The following PCDHGA5 variants were observed in gnomAD, a reference collection of about 807,000 sequenced individuals.
PCDHGA5 encodes the protein protocadherin gamma subfamily A, 5.
A neutral mutation model predicts 56.7 loss-of-function variants in PCDHGA5; 36 were observed. The ratio of observed to expected loss-of-function variants is 0.64; its 90% CI spans 0.49 to 0.84. The LOEUF (loss-of-function observed/expected upper bound fraction) is 0.84, where lower values mean the gene tolerates loss of function less well. Among genes scored for constraint, PCDHGA5 ranks in the 40% least tolerant of loss-of-function variants. The pLI is 0.00. For missense variants in PCDHGA5, 1,305 were observed against 1,201.5 expected (o/e 1.09, Z -1.27); for synonymous variants, 563 against 520.2 (o/e 1.08, Z -1.12).
chr5:141,487,006 G>A lies in PCDHGA5; in HGVS notation c.2422-7801G>A. ...ATGCTTGGGTTTCCTATCAGCTCCT[G>A]GAGGCCCCAGATCCCAGCCTGTTTG... On this transcript the variant is annotated intron_variant, in intron 1 of 3. Transcript: ENST00000518069. This position sits in a 1 kb window ranked among gnomAD's most constrained non-coding sequence, Gnocchi z 5.0. 1 of 1,614,206 alleles carries A rather than the reference G, an allele frequency of 6.2e-7. No homozygotes were observed. The highest frequency in any genetic ancestry group is 8.5e-7 in the Non-Finnish European group (1 of 1,180,042).
At chr5:141,408,111 C>A (rs1477598232) in intron 1 of PCDHGA5, 7 of 1,455,108 alleles carry the variant, frequency 4.8e-6, no homozygotes, top group African/African-American at 4.3e-5. Context: ...ACCCGGGACT[C>A]CTCCTGTCCT....
chr5:141,439,428 C>T (rs1191911600), intron 1 of PCDHGA5, among the ~76,000 whole-genome samples: 1 of 152,170 alleles, frequency 6.6e-6, no homozygotes, highest in Non-Finnish European at 1.5e-5. Flanking sequence ...TATAAATTCC[C>T]AGGAATATTT....
At chr5:141,399,739 C>T (rs774893843) in intron 1 of PCDHGA5, 2 of 1,613,218 alleles carry the variant, frequency 1.2e-6, no homozygotes, top group Non-Finnish European at 1.7e-6. Flanking sequence ...CTCGCCTGCG[C>T]TCAGCGCAAA....
rs1043628660 is a variant in PCDHGA5, at chr5:141,478,879, G to A, written c.2422-15928G>A. On this transcript the variant is annotated intron_variant, in intron 1 of 3. Coordinates refer to ENST00000518069, the MANE Select transcript of PCDHGA5 (RefSeq NM_018918.3). ...GATCTCAGCGATCAGAGTTTAGCTT[G>A]GTATCATTTACATTAGGAATAAGCT... is the stretch of plus-strand genomic sequence containing the variant. 9 of 1,243,630 alleles carry A rather than the reference G, an allele frequency of 7.2e-6. No homozygotes were observed. The African/African-American group carries it at 1.1e-4, about 15-fold the overall frequency. The allele number at this position is 1,243,630 out of a possible 1,614,324, so 77.0% of individuals were successfully genotyped here.
At position 141,491,299 on chromosome 5, in the gene PCDHGA5, C is replaced by T. The variant is rs777271881; in HGVS notation, c.2422-3508C>T. ...TGACTTCCTCATACACCCTCCTGAG[C>T]GTTCAGACCTTACCCTTTACCTCAT... On this transcript the variant is annotated intron_variant, in intron 1 of 3. Transcript: ENST00000518069. This position sits in a 1 kb window ranked among gnomAD's most constrained non-coding sequence, Gnocchi z 6.9. 3.7e-6 allele frequency: 6 copies of T among 1,614,068 alleles called. No individual in the cohort carries two copies. Among genetic ancestry groups the T allele is most frequent in the Non-Finnish European group, 5.1e-6 (6 of 1,179,896 alleles).
intron 1 of PCDHGA5, chr5:141,371,186 G>A (rs779475479): frequency 1.9e-6 from 3 of 1,614,028 alleles, no homozygotes; most frequent in Non-Finnish European, 8.5e-7. Flanking sequence ...TATTAAAAGT[G>A]ATGGCCATTG....
chr5:141,399,112 G>A, intron 1 of PCDHGA5: 1 of 1,613,794 alleles, frequency 6.2e-7, no homozygotes, highest in African/African-American at 1.3e-5. Context: ...ACAATGTACA[G>A]TTGAAATTAA....
chr5:141,503,616 A>G (rs1260134621), intron 2 of PCDHGA5, among the ~76,000 whole-genome samples: 2 of 150,944 alleles, frequency 1.3e-5, no homozygotes, highest in African/African-American at 2.4e-5. Context: ...AAAAAAAAAG[A>G]AAAAAGAAAA....
Position 141,432,623 on chromosome 5 carries a change from C to T in PCDHGA5, c.2422-62184C>T, listed in dbSNP as rs1047752183. Reference sequence around the variant, plus strand: ...GCCGGGACTCTTCTCGGTGGGTCTGCACACGGGCGAGGTGCGCACGGCGCG... The same window carrying T: ...GCCGGGACTCTTCTCGGTGGGTCTGTACACGGGCGAGGTGCGCACGGCGCG... On this transcript the variant is annotated intron_variant, in intron 1 of 3. Coordinates refer to ENST00000518069, the MANE Select transcript of PCDHGA5 (RefSeq NM_018918.3). The surrounding 1 kb of genome is among the most constrained non-coding windows in gnomAD (Gnocchi z 6.0). The T allele has an allele frequency of 1.2e-6, 2 of 1,613,196 alleles. No homozygotes were observed. The highest frequency in any genetic ancestry group is 2.2e-5 in the East Asian group (1 of 44,792).
chr5:141,377,998 G>A (rs757547607), intron 1 of PCDHGA5: 3 of 152,116 alleles, frequency 2.0e-5, no homozygotes, highest in Non-Finnish European at 4.4e-5. Context: ...CTAAAGCTTG[G>A]CTCAAATAAG....
chr5:141,504,209 C>T (rs1305672612), intron 2 of PCDHGA5, among the ~76,000 whole-genome samples: 1 of 152,180 alleles, frequency 6.6e-6, no homozygotes, highest in Non-Finnish European at 1.5e-5. Flanking sequence ...TGGGAAAATT[C>T]CAAGTAGAGC....
chr5:141,366,701 C>T lies in PCDHGA5; in HGVS notation c.2371C>T (p.Leu791Phe), dbSNP rs1764751877. 1.2e-6 allele frequency: 2 copies of T among 1,614,262 alleles called. No individual in the cohort carries two copies. Among genetic ancestry groups the T allele is most frequent in the Non-Finnish European group, 1.7e-6 (2 of 1,180,036 alleles). The change falls in exon 1 of 4, where the codon CTT becomes TTT. Residue 791 changes from leucine (L) to phenylalanine (F), a missense_variant. By Grantham distance (22) the Leu-to-Phe change is conservative. Coordinates refer to ENST00000518069, the MANE Select transcript of PCDHGA5 (RefSeq NM_018918.3). ...SEESCEKSEP[L>F]LMSDKVDANK... ...AGAGAGCTGTGAGAAAAGCGAGCCT[C>T]TTCTGATGTCTGATAAGGTAGATGC...
In PCDHGA5 at chr5:141,431,930, C is replaced by A. The variant is rs761060241; in HGVS notation, c.2422-62877C>A. 236 of 1,613,932 alleles carry A rather than the reference C, an allele frequency of 1.5e-4. 1 individual carries two copies. The highest frequency in any genetic ancestry group is 1.4e-3 in the South Asian group (124 of 91,086). The stretch of plus-strand genomic sequence containing the variant: ...GATCTGTTTCATCCAAGGAAATCTG[C>A]CCTTTAAATTAGAAAAATCTTACGG... On this transcript the variant is annotated intron_variant, in intron 1 of 3. Transcript: ENST00000518069. This position sits in a 1 kb window ranked among gnomAD's most constrained non-coding sequence, Gnocchi z 4.8.
chr5:141,394,863 C>T (rs758408774), intron 1 of PCDHGA5: 37 of 1,613,708 alleles, frequency 2.3e-5, no homozygotes, highest in Non-Finnish European at 2.9e-5. Context: ...TTCGGTCGAC[C>T]CGAACGATTC....
chr5:141,376,780 G>A (rs1466188950), intron 1 of PCDHGA5: 2 of 383,610 alleles, frequency 5.2e-6, no homozygotes, highest in African/African-American at 2.2e-5. Flanking sequence ...TCCGCTTCCC[G>A]GGTTCACGCC....
In PCDHGA5 at chr5:141,486,574, C is replaced by T. The variant is rs1435813800; in HGVS notation, c.2422-8233C>T. On this transcript the variant is annotated intron_variant, in intron 1 of 3. Transcript: ENST00000518069. This position sits in a 1 kb window ranked among gnomAD's most constrained non-coding sequence, Gnocchi z 5.0. ...CACATGAGGTGTTTGTTCCTGAGAACAATCGCCCAGGGGACCTGCTTTGCT... is the reference window on the plus strand; with the variant it reads ...CACATGAGGTGTTTGTTCCTGAGAATAATCGCCCAGGGGACCTGCTTTGCT... The T allele has an allele frequency of 1.9e-6, 3 of 1,613,868 alleles. No homozygotes were observed. Among genetic ancestry groups the T allele is most frequent in the Non-Finnish European group, 2.5e-6 (3 of 1,180,002 alleles).
intron 1 of PCDHGA5, chr5:141,399,866 C>G (rs1312435366): frequency 1.1e-5 from 17 of 1,612,854 alleles, no homozygotes; most frequent in Non-Finnish European, 1.4e-5. Context: ...GCTGCAGAGC[C>G]CGGCTACCTG....
chr5:141,408,752 G>A (rs780102602), intron 1 of PCDHGA5: 8 of 1,610,388 alleles, frequency 5.0e-6, no homozygotes, highest in Non-Finnish European at 5.9e-6. Flanking sequence ...AATGGTTAGA[G>A]TTAATTCCGA....
chr5:141,421,787 C>T (rs753196648), intron 1 of PCDHGA5: 8 of 1,613,694 alleles, frequency 5.0e-6, no homozygotes, highest in East Asian at 2.2e-5. Context: ...CGGGGCAGAA[C>T]GGATGGGGCC....
Sources: allele counts gnomAD v4.1 joint callset (sites outside exome capture counted in the v4.1 genomes callset), GRCh38; gene constraint gnomAD v4.1.1; non-coding constraint Gnocchi (gnomAD v3.1); transcripts MANE v1.5; gene names NCBI Gene and HGNC (gene_info 2026-07-23, HGNC 2026-07-21).